The following PCDH11X variants were observed in gnomAD, a reference collection of about 807,000 sequenced individuals.
PCDH11X encodes protocadherin 11 X-linked.
In PCDH11X, 18 loss-of-function variants were observed where a neutral mutation model predicts 53.3. The ratio of observed to expected loss-of-function variants is 0.34; its 90% CI spans 0.23 to 0.50. PCDH11X has a LOEUF of 0.50. Ranked by LOEUF, PCDH11X falls within the 20% of genes least tolerant of loss-of-function variation. The pLI, the probability that PCDH11X is intolerant of heterozygous loss-of-function variation, is 0.98. For missense variants in PCDH11X, 570 were observed against 1,032.4 expected (o/e 0.55, Z 6.14); for synonymous variants, 279 against 393.3 (o/e 0.71, Z 3.44).
In PCDH11X at chrX:91,813,717, AT is replaced by A. The variant is rs1484711102; in HGVS notation, c.-45+2427del. On this transcript the variant is annotated intron_variant, in intron 4 of 10. Transcript: ENST00000682573. ...ATGTTTATCAAAATAATGAATACTT[AT>A]TTTTCAACACCATAAAAACGTGGAA... Among the ~76,000 whole-genome samples the A allele has an allele frequency of 2.9e-5, 3 of 104,368 alleles. No individual in the cohort carries two copies. The Admixed American group carries it at 3.1e-4, about 11-fold the overall frequency. The allele number at this position is 104,368 out of a possible 115,157, so 90.6% of individuals were successfully genotyped here. A position where few individuals can be genotyped will look rare whatever the true frequency, so the allele number is the denominator to read the frequency against.
intron 10 of PCDH11X, among the ~76,000 whole-genome samples, chrX:92,552,059 A>T (rs1335530256): frequency 9.9e-6 from 1 of 100,570 alleles, no homozygotes; most frequent in Non-Finnish European, 2.0e-5. Flanking sequence ...TATAAGATTC[A>T]GGATGATTTT....
chrX:92,455,698 T>A (rs1194061605), intron 9 of PCDH11X, among the ~76,000 whole-genome samples: 50 of 57,807 alleles, frequency 8.6e-4, no homozygotes, highest in Non-Finnish European at 1.5e-3. Flanking sequence ...CAAATTCTTA[T>A]TTAACTTAGT....
intron 6 of PCDH11X, among the ~76,000 whole-genome samples, chrX:92,033,044 C>T (rs1410119610): frequency 9.3e-6 from 1 of 107,201 alleles, no homozygotes; most frequent in African/African-American, 3.4e-5. Flanking sequence ...TGGGCTCAAG[C>T]GATCTGCTCA....
intron 6 of PCDH11X, among the ~76,000 whole-genome samples, chrX:92,197,599 C>T (rs55995324): frequency 0.017 from 1,886 of 111,718 alleles, 40 homozygotes; most frequent in African/African-American, 0.058. Flanking sequence ...CACATACTTA[C>T]ATGTCTTTAG....
At chrX:92,428,319 TTC>T (rs747490657) in intron 9 of PCDH11X, among the ~76,000 whole-genome samples, 4 of 111,713 alleles carry the variant, frequency 3.6e-5, no homozygotes, top group African/African-American at 1.3e-4. Context: ...CTGTGTGTTA[TTC>T]TCTCTTCCGT....
intron 8 of PCDH11X, among the ~76,000 whole-genome samples, chrX:92,336,655 A>C (rs1307392068): frequency 2.7e-5 from 3 of 111,524 alleles, no homozygotes; most frequent in Non-Finnish European, 5.7e-5. Flanking sequence ...TGTATGCTGC[A>C]CAGTTACTTG....
At chrX:92,223,386 A>T (rs2066915458) in intron 7 of PCDH11X, among the ~76,000 whole-genome samples, 1 of 111,768 alleles carries the variant, frequency 8.9e-6, no homozygotes, top group South Asian at 3.7e-4. Context: ...TTCCTCTCAC[A>T]CACAAATTTA....
chrX:92,590,114 A>G (rs1473422571), intron 10 of PCDH11X, among the ~76,000 whole-genome samples: 10 of 108,447 alleles, frequency 9.2e-5, no homozygotes, highest in Non-Finnish European at 1.9e-4. Flanking sequence ...ATGACCCTCT[A>G]TGATTTCGTT....
intron 9 of PCDH11X, among the ~76,000 whole-genome samples, chrX:92,453,062 G>T (rs2072833182): frequency 9.6e-6 from 1 of 103,988 alleles, no homozygotes; most frequent in African/African-American, 3.7e-5. Context: ...AGTGTTTGAA[G>T]TAGACAAATA....
In PCDH11X at chrX:92,619,178, A is replaced by C. The variant is rs927053262; in HGVS notation, c.*238A>C. On this transcript the variant is annotated 3_prime_UTR_variant, in exon 11 of 11. Coordinates refer to ENST00000682573, the MANE Select transcript of PCDH11X (RefSeq NM_032968.5). ...TTTAACAATTTGCATCCCCTTGTAC[A>C]GTAAGGCTTATCATGACAGAGCGCA... 6 of 428,141 alleles carry C rather than the reference A, an allele frequency of 1.4e-5. No individual in the cohort carries two copies. The East Asian group carries it at 2.0e-4, about 14-fold the overall frequency. The allele number at this position is 428,141 out of a possible 1,213,427, so 35.3% of individuals were successfully genotyped here.
intron 6 of PCDH11X, among the ~76,000 whole-genome samples, chrX:91,907,090 T>G (rs1450977857): frequency 6.3e-5 from 7 of 110,533 alleles, no homozygotes; most frequent in African/African-American, 2.3e-4. Flanking sequence ...ACAGACAATA[T>G]ATAGTTTGTA....
At chrX:91,978,764 G>C (rs866462809) in intron 6 of PCDH11X, among the ~76,000 whole-genome samples, 1 of 112,641 alleles carries the variant, frequency 8.9e-6, no homozygotes, top group African/African-American at 3.2e-5. Context: ...AAAGACAGGG[G>C]TCAGGGCTCA....
At chrX:92,421,235 A>G (rs1205579209) in intron 9 of PCDH11X, among the ~76,000 whole-genome samples, 2 of 112,076 alleles carry the variant, frequency 1.8e-5, no homozygotes, top group African/African-American at 6.5e-5. Flanking sequence ...AGTATCCAAT[A>G]GGTAGTTTTT....
At chrX:92,592,458 G>A (rs781162046) in intron 10 of PCDH11X, among the ~76,000 whole-genome samples, 6 of 110,367 alleles carry the variant, frequency 5.4e-5, no homozygotes, top group South Asian at 3.9e-4. Flanking sequence ...AAGGCCAGGC[G>A]CACTGGCTCA....
intron 8 of PCDH11X, among the ~76,000 whole-genome samples, chrX:92,284,181 TGAC>T (rs1197744295): frequency 2.7e-5 from 3 of 110,547 alleles, no homozygotes; most frequent in African/African-American, 9.9e-5. Flanking sequence ...GTAAATTTAG[TGAC>T]CAATATAAAA....
At chrX:92,540,779 A>G (rs1273108637) in intron 10 of PCDH11X, among the ~76,000 whole-genome samples, 1 of 106,437 alleles carries the variant, frequency 9.4e-6, no homozygotes, top group Non-Finnish European at 1.9e-5. Flanking sequence ...TATAAATCCT[A>G]TCAGAAGTGT....
At chrX:92,298,532 T>G (rs2068656366) in intron 8 of PCDH11X, among the ~76,000 whole-genome samples, 1 of 111,998 alleles carries the variant, frequency 8.9e-6, no homozygotes, top group African/African-American at 3.2e-5. Flanking sequence ...TATGTGCTGC[T>G]GAATTCAGTT....
intron 7 of PCDH11X, among the ~76,000 whole-genome samples, chrX:92,224,101 C>G (rs1250032096): frequency 1.8e-5 from 2 of 111,719 alleles, no homozygotes; most frequent in African/African-American, 6.5e-5. Context: ...ACTGTGACAC[C>G]TCTAACTCCT....
chrX:92,200,018 G>T (rs59141954), intron 6 of PCDH11X, among the ~76,000 whole-genome samples: 8,392 of 109,824 alleles, frequency 0.076, 492 homozygotes, highest in East Asian at 0.19. Flanking sequence ...AAATAAACTT[G>T]GTTTTTTAAA....
Sources: gnomAD v4.1 joint callset for allele counts (sites outside exome capture counted in the v4.1 genomes callset) on GRCh38, gnomAD v4.1.1 for gene constraint, MANE v1.5 for transcripts, NCBI Gene and HGNC (gene_info 2026-07-23, HGNC 2026-07-21) for gene names.